Variants in MRTFB observed in about 807,000 individuals in gnomAD.
The protein encoded by MRTFB is myocardin-related transcription factor B.
MRTFB carries 29 observed loss-of-function variants against 104.2 expected under a neutral mutation model. The ratio of observed to expected loss-of-function variants is 0.28; its 90% confidence interval spans 0.21 to 0.38. MRTFB has a LOEUF of 0.38. Among genes scored for constraint, MRTFB ranks in the 10% least tolerant of loss-of-function variants. The pLI, the probability that MRTFB is intolerant of heterozygous loss-of-function variation, is 1.00. For missense variants in MRTFB, 1,270 were observed against 1,341.6 expected (o/e 0.95, Z 0.83); for synonymous variants, 535 against 519.5 (o/e 1.03, Z -0.41).
intron 10 of MRTFB, chr16:14,241,495 C>G (rs1026133640): frequency 1.3e-5 from 2 of 152,182 alleles, no homozygotes; most frequent in African/African-American, 4.8e-5. Flanking sequence ...TCATTTTCCT[C>G]ACTTTTCATG....
At chr16:14,138,069 C>G (rs1431849690) in intron 2 of MRTFB, among the ~76,000 whole-genome samples, 1 of 152,008 alleles carries the variant, frequency 6.6e-6, no homozygotes, top group African/African-American at 2.4e-5. Flanking sequence ...ATAAGATCTT[C>G]TCAGTCTACT....
chr16:14,077,551 T>A (rs2034137923), intron 1 of MRTFB, among the ~76,000 whole-genome samples: 1 of 152,098 alleles, frequency 6.6e-6, no homozygotes, highest in African/African-American at 2.4e-5. Flanking sequence ...TAGTTTATTT[T>A]TCCATGTGAA....
At chr16:14,254,087 G>A (rs1403494404) in intron 15 of MRTFB, among the ~76,000 whole-genome samples, 1 of 152,122 alleles carries the variant, frequency 6.6e-6, no homozygotes, top group Non-Finnish European at 1.5e-5. Flanking sequence ...TGGAATCTCT[G>A]GTATTTACAT....
upstream of MRTFB, among the ~76,000 whole-genome samples, chr16:14,070,794 G>A (rs889893843): frequency 3.3e-5 from 5 of 152,240 alleles, no homozygotes; most frequent in African/African-American, 1.2e-4. Context: ...GTTTTGGGCT[G>A]GGCATCAGAC....
At chr16:14,071,871 G>C (rs2033722971) in intron 1 of MRTFB, among the ~76,000 whole-genome samples, 1 of 152,164 alleles carries the variant, frequency 6.6e-6, no homozygotes, top group Non-Finnish European at 1.5e-5. Flanking sequence ...CTTCAGAGGG[G>C]GTGTCTGGGA....
In MRTFB at chr16:14,262,745, C is replaced by G. The variant is rs1302973354; in HGVS notation, c.*1301C>G. 6 of 152,228 alleles carry G rather than the reference C, an allele frequency of 3.9e-5. No individual in the cohort carries two copies. The highest frequency in any genetic ancestry group is 3.9e-4 in the Admixed American group (6 of 15,284). 9.4% of individuals were successfully genotyped at this position (152,228 alleles called of 1,614,324 possible). A position where few individuals can be genotyped will look rare whatever the true frequency, so the allele number is the denominator to read the frequency against. On this transcript the variant is annotated 3_prime_UTR_variant, in exon 17 of 17. Transcript: ENST00000571589. ...GAATTTTCTAAAATGCCAACTATCA[C>G]AGGATTATTTCAAGCTAGTCATTGA...
intron 3 of MRTFB, among the ~76,000 whole-genome samples, chr16:14,159,929 C>CAAAAAAAAAAAAAAAA (rs552159164): frequency 2.9e-4 from 16 of 55,632 alleles, no homozygotes; most frequent in Non-Finnish European, 4.6e-4. Context: ...GACTCCGTCT[C>CAAAAAAAAAAAAAAAA]AAAAAAAAAA....
chr16:14,078,671 T>G (rs563141309), intron 1 of MRTFB, among the ~76,000 whole-genome samples: 64 of 152,010 alleles, frequency 4.2e-4, no homozygotes, highest in Middle Eastern at 3.4e-3. Context: ...CTCAAGCGAT[T>G]TGCCCACCTT....
chr16:14,099,947 G>A (rs2142046229), intron 2 of MRTFB, among the ~76,000 whole-genome samples: 1 of 152,302 alleles, frequency 6.6e-6, no homozygotes, highest in South Asian at 2.1e-4. Flanking sequence ...TTACAGGTGT[G>A]AGCTGCTGTG....
At chr16:14,056,927 A>C in the MRTFB span, among the ~76,000 whole-genome samples, 1 of 152,146 alleles carries the variant, frequency 6.6e-6, no homozygotes, top group East Asian at 1.9e-4. Flanking sequence ...TTTGTTTTTT[A>C]ATTGAAAGAC....
At chr16:13,997,436 C>T in the MRTFB span, among the ~76,000 whole-genome samples, 2 of 151,986 alleles carry the variant, frequency 1.3e-5, no homozygotes, top group African/African-American at 4.8e-5. Flanking sequence ...TTGTAGGCAC[C>T]AAGTAAAAGC....
intron 3 of MRTFB, among the ~76,000 whole-genome samples, chr16:14,162,994 A>G (rs527898227): frequency 6.6e-6 from 1 of 152,176 alleles, no homozygotes; most frequent in Non-Finnish European, 1.5e-5. Context: ...TTTGTCCTAT[A>G]ATGAAAAAGC....
At chr16:14,230,270 A>G (rs1346961181) in intron 8 of MRTFB, among the ~76,000 whole-genome samples, 3 of 152,236 alleles carry the variant, frequency 2.0e-5, no homozygotes, top group Non-Finnish European at 2.9e-5. Flanking sequence ...ACAAAAGCCA[A>G]AATTGAGAAA....
intron 11 of MRTFB, among the ~76,000 whole-genome samples, 189 bp from the exon 12 acceptor site, chr16:14,246,280 ACTGG>A (rs1567212856): frequency 6.6e-6 from 1 of 152,180 alleles, no homozygotes. Flanking sequence ...TTACCGTATC[ACTGG>A]CTCCTCAAGT....
intron 2 of MRTFB, among the ~76,000 whole-genome samples, chr16:14,106,826 G>A (rs920238008): frequency 2.6e-5 from 4 of 152,120 alleles, no homozygotes; most frequent in African/African-American, 7.2e-5. Context: ...ATTATACATC[G>A]CTCCTATCCC....
chr16:14,099,782 C>G (rs925363318), intron 2 of MRTFB, among the ~76,000 whole-genome samples: 2 of 152,056 alleles, frequency 1.3e-5, no homozygotes, highest in African/African-American at 4.8e-5. Context: ...ATTCTCCTGC[C>G]TCAGCCTCCC....
chr16:14,216,425 C>A (rs935015488), intron 6 of MRTFB, among the ~76,000 whole-genome samples: 4 of 152,020 alleles, frequency 2.6e-5, no homozygotes, highest in Admixed American at 2.6e-4. Flanking sequence ...ACCAGAAACA[C>A]AAGTATGACA....
intron 3 of MRTFB, among the ~76,000 whole-genome samples, chr16:14,146,193 A>G (rs868624145): frequency 1.3e-5 from 2 of 152,252 alleles, no homozygotes. Flanking sequence ...TGACATGGTC[A>G]CAGAAATAGC....
chr16:14,205,264 A>AT (rs889949393), intron 3 of MRTFB, among the ~76,000 whole-genome samples: 4 of 152,032 alleles, frequency 2.6e-5, no homozygotes, highest in African/African-American at 9.7e-5. Flanking sequence ...GTGTGAAAAG[A>AT]TTTTTTTTAA....
Sources: allele counts gnomAD v4.1 joint callset (sites outside exome capture counted in the v4.1 genomes callset), GRCh38; gene constraint gnomAD v4.1.1; transcripts MANE v1.5; gene names NCBI Gene and HGNC (gene_info 2026-07-23, HGNC 2026-07-21).